SCN11A: variants seen among roughly 807,000 people sequenced by gnomAD.
SCN11A encodes sodium voltage-gated channel alpha subunit 11, also known as sodium channel protein type 11 subunit alpha.
In SCN11A, 122 loss-of-function variants were observed where a neutral mutation model predicts 162.2. That is an observed-to-expected ratio of 0.75 (90% CI 0.65 to 0.87). The LOEUF is 0.87. Ranked by LOEUF, SCN11A falls within the 40% of genes least tolerant of loss-of-function variation. SCN11A has a pLI of 0.00. For missense variants in SCN11A, 2,015 were observed against 2,181.6 expected (o/e 0.92, Z 1.52); for synonymous variants, 758 against 751.5 (o/e 1.01, Z -0.14).
In SCN11A at chr3:38,894,706, T is replaced by C. The variant is rs763133649; in HGVS notation, c.2662A>G (p.Lys888Glu). 8.2e-5 allele frequency: 132 copies of C among 1,614,070 alleles called. 5 individuals are homozygous for C. The South Asian group carries it at 1.4e-3, about 18-fold the overall frequency. The change falls in exon 19 of 30, where the codon AAA (lysine) becomes GAA (glutamate). Residue 888 changes from lysine to glutamate, a missense_variant. By Grantham distance (56) the Lys-to-Glu change is moderately conservative. Coordinates refer to ENST00000302328, the MANE Select transcript of SCN11A (RefSeq NM_001349253.2). ...TCCTCCTGGGTCTCTGAGCCCCTTT[T>C]CATCTCCATGACCAGGGGAATGATG... ...KDIIPLVMEM[K>E]RGSETQEELG...
intron 23 of SCN11A, among the ~76,000 whole-genome samples, chr3:38,877,042 G>C: frequency 2.4e-5 from 1 of 41,632 alleles, no homozygotes; most frequent in African/African-American, 7.6e-5. Context: ...GTATATATAT[G>C]GTGTATATAC....
intron 22 of SCN11A, among the ~76,000 whole-genome samples, chr3:38,880,522 G>A (rs1401073913): frequency 1.3e-5 from 2 of 152,200 alleles, no homozygotes; most frequent in African/African-American, 4.8e-5. Flanking sequence ...TGCCTTGGTG[G>A]ATTAATTCAG....
At chr3:38,967,519 C>G (rs1433239497) in intron 2 of SCN11A, among the ~76,000 whole-genome samples, 4 of 152,196 alleles carry the variant, frequency 2.6e-5, no homozygotes, top group Non-Finnish European at 5.9e-5. Context: ...GTTCATTTCC[C>G]TCCCATCTCC....
chr3:38,964,938 C>A (rs2066772156), intron 2 of SCN11A, among the ~76,000 whole-genome samples: 1 of 152,260 alleles, frequency 6.6e-6, no homozygotes, highest in Non-Finnish European at 1.5e-5. Flanking sequence ...CTGCTGACAT[C>A]CATGCAAATA....
chr3:38,891,503 C>T lies in SCN11A; in HGVS notation c.2835+3030G>A, dbSNP rs558511977. On this transcript the variant is annotated intron_variant, in intron 19 of 29. Transcript: ENST00000302328. Reference sequence around the variant, plus strand: ...TGGCTGAAGACTCCTCAAAATTGATCGAAAACATTAATCTACACGTCTTAG... The same window carrying T: ...TGGCTGAAGACTCCTCAAAATTGATTGAAAACATTAATCTACACGTCTTAG... Among the ~76,000 whole-genome samples the T allele has an allele frequency of 2.0e-5, 3 of 152,176 alleles. No homozygotes were observed. In the South Asian group the frequency reaches 6.2e-4, roughly 32 times the overall value.
In SCN11A at chr3:38,871,269, G is replaced by GT. The variant is rs111311726; in HGVS notation, c.3759+175_3759+176insA. Among the ~76,000 whole-genome samples the GT allele has an allele frequency of 0.035, 5,386 of 152,298 alleles. 129 individuals carry two copies. The highest frequency in any genetic ancestry group is 0.064 in the South Asian group (311 of 4,822). ...AGGAAGCTGAGGCTCAGCAGTCAAT[G>GT]AAGTTGCAGATGCTCAGTAGAGGAC... On this transcript the variant is annotated intron_variant, in intron 25 of 29. Coordinates refer to ENST00000302328, the MANE Select transcript of SCN11A (RefSeq NM_001349253.2).
chr3:39,023,340 A>C (rs1457157233), intron 2 of SCN11A, among the ~76,000 whole-genome samples: 1 of 152,210 alleles, frequency 6.6e-6, no homozygotes, highest in Non-Finnish European at 1.5e-5. Flanking sequence ...TATACAGCCT[A>C]TATTGAGAAC....
chr3:38,897,475 G>A (rs2065623337), intron 17 of SCN11A, among the ~76,000 whole-genome samples: 1 of 152,180 alleles, frequency 6.6e-6, no homozygotes, highest in African/African-American at 2.4e-5. Context: ...CCAGCACTTT[G>A]GGAGGCCAAG....
At chr3:38,900,454 G>T (rs2065680870) in intron 16 of SCN11A, among the ~76,000 whole-genome samples, 1 of 152,034 alleles carries the variant, frequency 6.6e-6, no homozygotes, top group Non-Finnish European at 1.5e-5. Flanking sequence ...AATTAAAATA[G>T]GGAGAGAAGG....
rs200318945 is a variant in SCN11A, at chr3:38,946,896, C to T, written c.279G>A (p.Val93=). ...PFYRNHKTFM[V]LNRKRTIYRF... ...GGTAGATTGTCCTCTTTCTGTTTAA[C>T]ACCATAAATGTCTGCAAAACAAAAA... Residue 93 remains valine (V), a synonymous_variant, in exon 6 of 30, where the codon GTG becomes GTA. Coordinates refer to ENST00000302328, the MANE Select transcript of SCN11A (RefSeq NM_001349253.2). The T allele has an allele frequency of 3.7e-6, 6 of 1,607,306 alleles. No homozygotes were observed. The highest frequency in any genetic ancestry group is 4.5e-5 in the East Asian group (2 of 44,834).
Position 38,921,054 on chromosome 3 carries a change from G to A in SCN11A, c.892+22C>T, listed in dbSNP as rs1481155780. ...GTTAACCATGCAAAAACCAAGGAGTGAAAGAAAGGTTGGGTATTTACCATA... is the reference window on the plus strand; with the variant it reads ...GTTAACCATGCAAAAACCAAGGAGTAAAAGAAAGGTTGGGTATTTACCATA... On this transcript the variant is annotated intron_variant, in intron 10 of 29. Coordinates refer to ENST00000302328, the MANE Select transcript of SCN11A (RefSeq NM_001349253.2). 4 of 1,609,786 alleles carry A rather than the reference G, an allele frequency of 2.5e-6. No homozygotes were observed. In the African/African-American group the frequency reaches 4.0e-5, roughly 16 times the overall value.
chr3:38,978,529 C>T (rs1575344754), intron 2 of SCN11A, among the ~76,000 whole-genome samples: 3 of 151,836 alleles, frequency 2.0e-5, no homozygotes, highest in Admixed American at 2.0e-4. Context: ...ACCTGTAATC[C>T]CAGCTACTCG....
Position 38,919,915 on chromosome 3 carries a change from AATG to A in SCN11A, c.959+17_959+19del, listed in dbSNP as rs762893814. The A allele has an allele frequency of 5.6e-6, 9 of 1,593,104 alleles. No homozygotes were observed. In the South Asian group the frequency reaches 9.9e-5, roughly 18 times the overall value. ...CTAGAGGTACTCTTCTTGGGAGGAA[AATG>A]ATTATAAACCTCTTACCTGTTACCC... is the stretch of plus-strand genomic sequence containing the variant. On this transcript the variant is annotated intron_variant, in intron 11 of 29. Coordinates refer to ENST00000302328, the MANE Select transcript of SCN11A (RefSeq NM_001349253.2).
chr3:38,942,913 G>A (rs138220714), intron 7 of SCN11A, among the ~76,000 whole-genome samples: 17 of 152,274 alleles, frequency 1.1e-4, no homozygotes, highest in African/African-American at 4.1e-4. Context: ...AGGTTTAGCA[G>A]TTTATTAGAA....
Position 38,872,240 on chromosome 3 carries a change from G to C in SCN11A, c.3448C>G (p.Arg1150Gly). Residue 1150 changes from arginine to glycine, a missense_variant, in exon 24 of 30, where the codon CGA becomes GGA. Arg to Gly is a moderately radical substitution (Grantham distance 125). Coordinates refer to ENST00000302328, the MANE Select transcript of SCN11A (RefSeq NM_001349253.2). ...AGCGCACGAAGAGGCCTCAGTGCTC[G>C]TAGAGTCCGGAAGGACTTCAATTCC... ...LMELKSFRTL[R>G]ALRPLRALSQ... 1 of 1,611,108 alleles carries C rather than the reference G, an allele frequency of 6.2e-7. No individual in the cohort carries two copies.
At chr3:38,937,893 G>T (rs1464682789) in intron 7 of SCN11A, among the ~76,000 whole-genome samples, 2 of 152,064 alleles carry the variant, frequency 1.3e-5, no homozygotes, top group Non-Finnish European at 2.9e-5. Context: ...TATACCCAAA[G>T]GACTATAAAT....
At chr3:38,996,212 T>G (rs1559568257) in intron 2 of SCN11A, among the ~76,000 whole-genome samples, 1 of 152,162 alleles carries the variant, frequency 6.6e-6, no homozygotes, top group Non-Finnish European at 1.5e-5. Flanking sequence ...AGCCTACTCT[T>G]AGACACATAT....
At chr3:38,955,039 C>T (rs934732957) in intron 3 of SCN11A, among the ~76,000 whole-genome samples, 2 of 151,726 alleles carry the variant, frequency 1.3e-5, no homozygotes, top group African/African-American at 4.8e-5. Flanking sequence ...CAGTGGCTTA[C>T]ACCCACTGGG....
At chr3:38,997,528 T>TC (rs1404939585) in intron 2 of SCN11A, among the ~76,000 whole-genome samples, 1 of 152,240 alleles carries the variant, frequency 6.6e-6, no homozygotes, top group Admixed American at 6.5e-5. Context: ...GTACTTACTC[T>TC]CTTTTAACAT....
Sources: allele counts gnomAD v4.1 joint callset (sites outside exome capture counted in the v4.1 genomes callset), GRCh38; gene constraint gnomAD v4.1.1; transcripts MANE v1.5; gene names NCBI Gene and HGNC (gene_info 2026-07-23, HGNC 2026-07-21).